Variants in ATXN7L1 observed in about 807,000 individuals in gnomAD.
ATXN7L1 encodes ataxin-7-like protein 1.
A neutral mutation model predicts 70.8 loss-of-function variants in ATXN7L1; 15 were observed. That is an observed-to-expected ratio of 0.21 (90% CI 0.14 to 0.33). The LOEUF (loss-of-function observed/expected upper bound fraction) is 0.33, where lower values mean the gene tolerates loss of function less well. Ranked by LOEUF, ATXN7L1 falls within the 10% of genes least tolerant of loss-of-function variation. The pLI is 1.00. For missense variants in ATXN7L1, 975 were observed against 1,097.1 expected (o/e 0.89, Z 1.57); for synonymous variants, 440 against 445.1 (o/e 0.99, Z 0.14).
chr7:105,696,694 C>A (rs1175369881), intron 3 of ATXN7L1, among the ~76,000 whole-genome samples: 1 of 152,200 alleles, frequency 6.6e-6, no homozygotes, highest in East Asian at 1.9e-4. Flanking sequence ...CAAAGCAGTT[C>A]CACCACAAAC....
chr7:105,785,472 C>A (rs920629969), intron 3 of ATXN7L1, among the ~76,000 whole-genome samples: 4 of 151,824 alleles, frequency 2.6e-5, no homozygotes, highest in Non-Finnish European at 5.9e-5. Flanking sequence ...AAAAACAAAA[C>A]CCAAAAGACA....
chr7:105,852,948 C>T (rs1172583911), intron 2 of ATXN7L1, among the ~76,000 whole-genome samples: 2 of 152,106 alleles, frequency 1.3e-5, no homozygotes, highest in Non-Finnish European at 1.5e-5. Flanking sequence ...AGAAACGAGT[C>T]GCAAAAGGAC....
intron 4 of ATXN7L1, among the ~76,000 whole-genome samples, chr7:105,654,952 C>T (rs1325529821): frequency 1.3e-5 from 2 of 151,120 alleles, no homozygotes; most frequent in Non-Finnish European, 2.9e-5. Flanking sequence ...AGGGTTTCAC[C>T]ACATTAGTCT....
chr7:105,751,236 G>A (rs182029428), intron 3 of ATXN7L1, among the ~76,000 whole-genome samples: 7 of 152,224 alleles, frequency 4.6e-5, no homozygotes, highest in Admixed American at 4.6e-4. Flanking sequence ...GGAGGTGGGA[G>A]TGTTATAAAA....
At chr7:105,741,016 G>A (rs903146067) in intron 3 of ATXN7L1, among the ~76,000 whole-genome samples, 5 of 151,892 alleles carry the variant, frequency 3.3e-5, no homozygotes, top group Admixed American at 6.6e-5. Flanking sequence ...TGCCCGCCTC[G>A]GCCTCCCAAA....
Position 105,638,550 on chromosome 7 carries a change from G to A in ATXN7L1, c.1005C>T (p.Leu335=), listed in dbSNP as rs770886022. 8 of 1,552,104 alleles carry A rather than the reference G, an allele frequency of 5.2e-6. No homozygotes were observed. In the South Asian group the frequency reaches 7.1e-5, roughly 14 times the overall value. Residue 335 remains leucine, a synonymous_variant, in exon 7 of 12, where the codon CTC becomes CTT. Transcript: ENST00000419735. ...VPGRKKQFDL[L]LAEHKAKSRE... The stretch of plus-strand genomic sequence containing the variant: ...GGGACTTTGCTTTGTGTTCTGCCAG[G>A]AGGAGGTCAAATTGCTTTTTCCGGC...
In ATXN7L1 at chr7:105,735,761, G is replaced by GA. The variant is rs144333292; in HGVS notation, c.355+52842dup. Among the ~76,000 whole-genome samples the GA allele has an allele frequency of 1.0e-2, 1,521 of 152,192 alleles. 19 individuals carry two copies. Among genetic ancestry groups the GA allele is most frequent in the African/African-American group, 0.034 (1,408 of 41,506 alleles). ...ATTTGTCTTTTCTTTTCACTTTGTTGAATGTTGCAATGACTCTGAGGACCC... is the reference window on the plus strand; with the variant it reads ...ATTTGTCTTTTCTTTTCACTTTGTTGAAATGTTGCAATGACTCTGAGGACCC... On this transcript the variant is annotated intron_variant, in intron 3 of 11. Coordinates refer to ENST00000419735, the MANE Select transcript of ATXN7L1 (RefSeq NM_020725.2).
intron 2 of ATXN7L1, among the ~76,000 whole-genome samples, chr7:105,800,863 A>G (rs13227391): frequency 0.18 from 27,375 of 152,252 alleles, 3,076 homozygotes; most frequent in South Asian, 0.4. Context: ...ATTCAATTAA[A>G]TGCTCAAGAA....
intron 10 of ATXN7L1, among the ~76,000 whole-genome samples, chr7:105,613,310 T>TAGG (rs1793334316): frequency 6.6e-6 from 1 of 152,076 alleles, no homozygotes; most frequent in African/African-American, 2.4e-5. Context: ...AGAATTCTAT[T>TAGG]AGGAGGAGGT....
intron 2 of ATXN7L1, among the ~76,000 whole-genome samples, chr7:105,847,182 G>A (rs1814178104): frequency 6.6e-6 from 1 of 152,156 alleles, no homozygotes. Flanking sequence ...TCACAGAGAA[G>A]AGACTACATG....
At chr7:105,738,136 A>G (rs1797615111) in intron 3 of ATXN7L1, among the ~76,000 whole-genome samples, 2 of 152,234 alleles carry the variant, frequency 1.3e-5, no homozygotes, top group African/African-American at 4.8e-5. Context: ...AGATAGATTT[A>G]AAAGATCTTC....
chr7:105,871,581 A>G (rs1818275025), intron 2 of ATXN7L1, among the ~76,000 whole-genome samples: 1 of 152,070 alleles, frequency 6.6e-6, no homozygotes, highest in Non-Finnish European at 1.5e-5. Flanking sequence ...GTGGTGGCGC[A>G]TGCCTGGACT....
intron 3 of ATXN7L1, among the ~76,000 whole-genome samples, chr7:105,758,126 C>T (rs1210798348): frequency 6.6e-6 from 1 of 152,170 alleles, no homozygotes; most frequent in Non-Finnish European, 1.5e-5. Context: ...AGGTTTCCCA[C>T]CTCGGCCTCT....
chr7:105,649,338 C>G (rs1799523936), intron 4 of ATXN7L1: 1 of 982,402 alleles, frequency 1.0e-6, no homozygotes, highest in Non-Finnish European at 1.2e-6. Flanking sequence ...CTGTCTCGGT[C>G]CTGGGAAAGA....
At chr7:105,760,231 C>T in intron 3 of ATXN7L1, 1 of 984,772 alleles carries the variant, frequency 1.0e-6, no homozygotes, top group Non-Finnish European at 1.2e-6. Context: ...GTGTCATGCA[C>T]TGGGAAAAGT....
chr7:105,638,533 G>T lies in ATXN7L1; in HGVS notation c.1022C>A (p.Ala341Glu). 6.4e-7 allele frequency: 1 copy of T among 1,552,190 alleles called. No individual in the cohort carries two copies. The highest frequency in any genetic ancestry group is 8.7e-7 in the Non-Finnish European group (1 of 1,147,104). ...QFDLLLAEHK[A>E]KSREKEVKDK... The stretch of plus-strand genomic sequence containing the variant: ...TTTAACTTCTTTTTCCCGGGACTTT[G>T]CTTTGTGTTCTGCCAGGAGGAGGTC... Residue 341 changes from alanine (A) to glutamate (E), a missense_variant, in exon 7 of 12, where the codon GCA becomes GAA. Around this residue, in one of 5 missense-constraint regions of ATXN7L1, gnomAD observed 635 missense variants for 699.4 expected, o/e 0.91. Transcript: ENST00000419735.
At chr7:105,646,875 T>C (rs1292819391) in intron 4 of ATXN7L1, among the ~76,000 whole-genome samples, 1 of 151,978 alleles carries the variant, frequency 6.6e-6, no homozygotes, top group African/African-American at 2.4e-5. Context: ...ACCCAGGAGT[T>C]TGGGGCTGCA....
intron 3 of ATXN7L1, among the ~76,000 whole-genome samples, chr7:105,714,011 G>A (rs1002930436): frequency 6.6e-6 from 1 of 152,226 alleles, no homozygotes; most frequent in Non-Finnish European, 1.5e-5. Context: ...GGTTCCATGT[G>A]TTGCTAATAA....
At chr7:105,664,940 C>T in intron 4 of ATXN7L1, 126 bp downstream of exon 4, 1 of 976,308 alleles carries the variant, frequency 1.0e-6, no homozygotes, top group East Asian at 2.6e-5. Flanking sequence ...TCCTTTCATT[C>T]CTCAGTCCCC....
Sources: gnomAD v4.1 joint callset for allele counts (sites outside exome capture counted in the v4.1 genomes callset) on GRCh38, gnomAD v4.1.1 for gene constraint, gnomAD v4.1.1 regional missense constraint, MANE v1.5 for transcripts, NCBI Gene and HGNC (gene_info 2026-07-23, HGNC 2026-07-21) for gene names.